SAMTOR: variants seen among roughly 807,000 people sequenced by gnomAD.
SAMTOR encodes the protein UPF0532 protein C7orf60.
chr7:112,873,217 A>G, the SAMTOR span, among the ~76,000 whole-genome samples: 4 of 152,078 alleles, frequency 2.6e-5, no homozygotes, highest in South Asian at 8.3e-4. Context: ...AAAAAAAACT[A>G]TTCTAAAATT....
chr7:112,918,996 A>G, the SAMTOR span, among the ~76,000 whole-genome samples: 1 of 152,192 alleles, frequency 6.6e-6, no homozygotes, highest in East Asian at 1.9e-4. Context: ...CACAATAATA[A>G]TGGGAGACTT....
At chr7:112,830,229 C>T in the SAMTOR span, among the ~76,000 whole-genome samples, 1 of 152,144 alleles carries the variant, frequency 6.6e-6, no homozygotes, top group Non-Finnish European at 1.5e-5. Flanking sequence ...TCAGAGATTA[C>T]TGTCCTTCAT....
chr7:112,896,192 T>C, the SAMTOR span, among the ~76,000 whole-genome samples: 1 of 152,004 alleles, frequency 6.6e-6, no homozygotes, highest in East Asian at 1.9e-4. Flanking sequence ...TGAGTGTGCG[T>C]GCACGCGCGC....
At chr7:112,897,403 T>C in the SAMTOR span, among the ~76,000 whole-genome samples, 2 of 152,162 alleles carry the variant, frequency 1.3e-5, no homozygotes, top group Non-Finnish European at 2.9e-5. Context: ...GGTAGAACCA[T>C]ATAAAACTGG....
chr7:112,829,155 T>C, the SAMTOR span, among the ~76,000 whole-genome samples: 1 of 152,182 alleles, frequency 6.6e-6, no homozygotes, highest in African/African-American at 2.4e-5. Context: ...ACTGATGCTC[T>C]TCTATTTAAA....
At chr7:112,921,768 C>A in the SAMTOR span, among the ~76,000 whole-genome samples, 4 of 76 alleles carry the variant, frequency 0.053, no homozygotes, top group Non-Finnish European at 0.075. Flanking sequence ...ACAAACAACC[C>A]CATCAACAAG....
At chr7:112,890,573 T>C in the SAMTOR span, among the ~76,000 whole-genome samples, 13 of 151,940 alleles carry the variant, frequency 8.6e-5, no homozygotes, top group African/African-American at 3.1e-4. Flanking sequence ...AAGTAGTAAA[T>C]GGACTCTTGA....
At chr7:112,939,756 AGCCGCCGCC>A in the SAMTOR span, 75 of 1,586,152 alleles carry the variant, frequency 4.7e-5, no homozygotes, top group East Asian at 6.7e-4. Flanking sequence ...TCCATATCGC[AGCCGCCGCC>A]GCCGCCGCCG....
chr7:112,920,436 G>A, the SAMTOR span, among the ~76,000 whole-genome samples: 255 of 150,626 alleles, frequency 1.7e-3, 4 homozygotes, highest in East Asian at 0.012. Context: ...ATTAGGTATT[G>A]ATGGGACATA....
the SAMTOR span, among the ~76,000 whole-genome samples, chr7:112,938,755 T>C: frequency 3.3e-5 from 5 of 152,328 alleles, no homozygotes; most frequent in Admixed American, 2.6e-4. Flanking sequence ...AGGATAACTG[T>C]AGACTCCAAC....
At chr7:112,911,407 G>A in the SAMTOR span, among the ~76,000 whole-genome samples, 1 of 152,042 alleles carries the variant, frequency 6.6e-6, no homozygotes, top group African/African-American at 2.4e-5. Context: ...AACTCCTGAT[G>A]GTATCAAAGT....
At chr7:112,837,442 C>A in the SAMTOR span, among the ~76,000 whole-genome samples, 9 of 151,906 alleles carry the variant, frequency 5.9e-5, no homozygotes, top group African/African-American at 2.2e-4. Context: ...CCTGGTTGCT[C>A]TGGCCAGGAC....
chr7:112,868,586 C>T, the SAMTOR span, among the ~76,000 whole-genome samples: 3,529 of 152,212 alleles, frequency 0.023, 142 homozygotes, highest in African/African-American at 0.079. Context: ...CAGGAAGCTG[C>T]AGGCATTTTC....
At chr7:112,935,368 T>G in the SAMTOR span, 5 of 296,970 alleles carry the variant, frequency 1.7e-5, no homozygotes, top group Admixed American at 5.0e-5. Flanking sequence ...ATCACATTCA[T>G]TCTCTTATTT....
At chr7:112,913,148 T>C in the SAMTOR span, among the ~76,000 whole-genome samples, 4 of 152,212 alleles carry the variant, frequency 2.6e-5, no homozygotes, top group Non-Finnish European at 5.9e-5. Context: ...ATCTTCTCTC[T>C]AGAAATGCAA....
chr7:112,838,830 G>C, the SAMTOR span, among the ~76,000 whole-genome samples: 4 of 151,750 alleles, frequency 2.6e-5, no homozygotes, highest in Non-Finnish European at 5.9e-5. Flanking sequence ...AAATTATTTT[G>C]TGTGTCTTGA....
chr7:112,930,135 C>G, the SAMTOR span, among the ~76,000 whole-genome samples: 1 of 152,066 alleles, frequency 6.6e-6, no homozygotes, highest in African/African-American at 2.4e-5. Flanking sequence ...TTCAAAGTAC[C>G]TTTAATGGTC....
the SAMTOR span, among the ~76,000 whole-genome samples, chr7:112,900,061 C>T: frequency 6.6e-6 from 1 of 151,914 alleles, no homozygotes; most frequent in Non-Finnish European, 1.5e-5. Context: ...AATTGTAGTG[C>T]ATAAACTATT....
At chr7:112,838,480 A>G in the SAMTOR span, among the ~76,000 whole-genome samples, 1 of 151,950 alleles carries the variant, frequency 6.6e-6, no homozygotes, top group Non-Finnish European at 1.5e-5. Flanking sequence ...AGAAATCTAG[A>G]AAGGATAACC....
Sources: gnomAD v4.1 joint callset for allele counts (sites outside exome capture counted in the v4.1 genomes callset) on GRCh38, gnomAD v4.1.1 for gene constraint, MANE v1.5 for transcripts, NCBI Gene and HGNC (gene_info 2026-07-23, HGNC 2026-07-21) for gene names.